Variants in EDEM2 observed in about 807,000 individuals in gnomAD.
EDEM2 encodes the protein ER degradation-enhancing alpha-mannosidase-like protein 2.
A neutral mutation model predicts 64.8 loss-of-function variants in EDEM2; 39 were observed. The observed-to-expected ratio is 0.60, with a 90% CI of 0.47 to 0.79. The LOEUF is 0.79. Ranked by LOEUF, EDEM2 falls within the 30% of genes least tolerant of loss-of-function variation. The pLI is 0.00. For synonymous variants in EDEM2, 296 were observed against 291.5 expected, an observed-to-expected ratio of 1.02 and a Z score of -0.16; for missense variants, 609 against 731.3, an observed-to-expected ratio of 0.83 and a Z score of 1.93.
intron 4 of EDEM2, among the ~76,000 whole-genome samples, chr20:35,141,639 A>T (rs11906318): frequency 6.6e-6 from 1 of 152,138 alleles, no homozygotes; most frequent in Non-Finnish European, 1.5e-5. Context: ...ACAGCTGTTA[A>T]GTGGTCTAGA....
rs560949198 is a variant in EDEM2, at chr20:35,134,552, C to G, written c.702+186G>C. Among the ~76,000 whole-genome samples the G allele has an allele frequency of 2.6e-5, 4 of 152,312 alleles. No homozygotes were observed. The East Asian group carries it at 7.7e-4, about 29-fold the overall frequency. ...GCTGCCTGCCAGAAACGTGCTTTCC[C>G]ACTCTCCTCCCCACTCCAAGCCAAA... is the stretch of plus-strand genomic sequence containing the variant. On this transcript the variant is annotated intron_variant, in intron 6 of 10. Coordinates refer to ENST00000374492, the MANE Select transcript of EDEM2 (RefSeq NM_018217.3).
intron 9 of EDEM2, among the ~76,000 whole-genome samples, chr20:35,120,540 A>T (rs1377946826): frequency 2.0e-5 from 3 of 151,816 alleles, no homozygotes; most frequent in African/African-American, 7.3e-5. Flanking sequence ...AAAGGCAGAA[A>T]AGACAGTGCC....
At chr20:35,118,845 A>G in intron 9 of EDEM2, 126 bp from the exon 10 acceptor site, 1 of 1,349,554 alleles carries the variant, frequency 7.4e-7, no homozygotes, top group Non-Finnish European at 1.0e-6. Context: ...GCAGGAACAC[A>G]GGATACCTCA....
In EDEM2 at chr20:35,118,500, T is replaced by C. The variant is rs1034132237; in HGVS notation, c.1236+98A>G. The C allele has an allele frequency of 3.2e-6, 5 of 1,569,692 alleles. No homozygotes were observed. In the African/African-American group the frequency reaches 5.4e-5, roughly 17 times the overall value. On this transcript the variant is annotated intron_variant, in intron 10 of 10. Coordinates refer to ENST00000374492, the MANE Select transcript of EDEM2 (RefSeq NM_018217.3). ...TGTATATCTCCAAGGTCCCTTCTAG[T>C]GCTGATATGTCAGAACTCCCAAAGC...
chr20:35,131,648 A>C lies in EDEM2; in HGVS notation c.838T>G (p.Phe280Val). The C allele has an allele frequency of 6.2e-7, 1 of 1,613,886 alleles. No individual in the cohort carries two copies. The highest frequency in any genetic ancestry group is 8.5e-7 in the Non-Finnish European group (1 of 1,179,782). The part of the protein sequence containing the change: ...LLQDKKLMAM[F>V]LEYNKAIRNY... ...CTTACTCTGCCATTTTTACCTAGGAACATGGCCATGAGCTTCTTATCCTGA... is the reference window on the plus strand; with the variant it reads ...CTTACTCTGCCATTTTTACCTAGGACCATGGCCATGAGCTTCTTATCCTGA... The change falls in exon 7 of 11, where the codon TTC becomes GTC. Residue 280 changes from phenylalanine to valine, a missense_variant. By Grantham distance (50) the Phe-to-Val change is conservative (BLOSUM62 -1). Transcript: ENST00000374492.
In EDEM2 at chr20:35,132,780, C is replaced by G. The variant is rs139191509; in HGVS notation, c.703-997G>C. Among the ~76,000 whole-genome samples, 367 of 152,266 alleles carry G rather than the reference C, an allele frequency of 2.4e-3. 2 individuals are homozygous for G. The highest frequency in any genetic ancestry group is 8.5e-3 in the African/African-American group (352 of 41,548). ...CTCGAACTCCCGACCTCAGGTGATA[C>G]GCCTGCCTTGGCCTCCCAAAGTGCT... On this transcript the variant is annotated intron_variant, in intron 6 of 10. Coordinates refer to ENST00000374492, the MANE Select transcript of EDEM2 (RefSeq NM_018217.3).
intron 10 of EDEM2, among the ~76,000 whole-genome samples, 154 bp from the exon 11 acceptor site, chr20:35,116,087 A>AC: frequency 6.6e-6 from 1 of 152,192 alleles, no homozygotes; most frequent in Non-Finnish European, 1.5e-5. Flanking sequence ...TTCCCAAGCC[A>AC]CCATCATCTC....
intron 2 of EDEM2, among the ~76,000 whole-genome samples, chr20:35,145,235 A>G (rs1306583309): frequency 6.6e-6 from 1 of 152,212 alleles, no homozygotes; most frequent in East Asian, 1.9e-4. Context: ...CTCAATTGTA[A>G]TTAAATACAT....
At chr20:35,119,636 CA>C in intron 9 of EDEM2, among the ~76,000 whole-genome samples, 1 of 151,916 alleles carries the variant, frequency 6.6e-6, no homozygotes, top group Non-Finnish European at 1.5e-5. Context: ...AATAAACCAC[CA>C]AACCGTCAAT....
chr20:35,126,945 T>G (rs2085441388), intron 7 of EDEM2, among the ~76,000 whole-genome samples: 1 of 152,086 alleles, frequency 6.6e-6, no homozygotes, highest in South Asian at 2.1e-4. Flanking sequence ...ATTGATGTGG[T>G]TTGGCTGTGT....
intron 4 of EDEM2, among the ~76,000 whole-genome samples, chr20:35,141,015 G>T (rs938332471): frequency 1.3e-5 from 2 of 150,992 alleles, no homozygotes; most frequent in African/African-American, 4.9e-5. Context: ...AGCTACATAG[G>T]AGGCTGAGAC....
rs138438553 is a variant in EDEM2 at position 35,124,027 on chromosome 20, A to G, written c.977T>C (p.Ile326Thr). The G allele has an allele frequency of 5.1e-5, 82 of 1,612,946 alleles. No homozygotes were observed. The highest frequency in any genetic ancestry group is 1.5e-4 in the Admixed American group (9 of 59,990). ...CCTCATGGCATTGTCAATGTCTCCA[A>G]TGAGGCTCTGTGGGAGAAAGTGGCT... ...EAYWPGLQSL[I>T]GDIDNAMRTF... The change falls in exon 9 of 11, where the codon ATT becomes ACT. Residue 326 changes from isoleucine (I) to threonine (T), a missense_variant. Transcript: ENST00000374492.
chr20:35,142,510 C>A (rs980703414), intron 3 of EDEM2, 32 bp from the exon 4 acceptor site: 1 of 1,536,522 alleles, frequency 6.5e-7, no homozygotes, highest in Non-Finnish European at 9.0e-7. Context: ...GACAATGAGG[C>A]TCTTACATGC....
At position 35,129,401 on chromosome 20, in the gene EDEM2, T is replaced by C. The variant is rs546142512; in HGVS notation, c.844+2241A>G. ...CAGCCTGGGCAACAGAGTGAGACTC[T>C]GTCTTTAAAGAAAAAAAAAATCAGC... On this transcript the variant is annotated intron_variant, in intron 7 of 10. Transcript: ENST00000374492. Among the ~76,000 whole-genome samples, 191 of 150,792 alleles carry C rather than the reference T, an allele frequency of 1.3e-3. 2 individuals are homozygous for C. The Middle Eastern group carries it at 0.014, about 11-fold the overall frequency.
chr20:35,132,284 G>T lies in EDEM2; in HGVS notation c.703-501C>A, dbSNP rs747923251. Among the ~76,000 whole-genome samples the T allele has an allele frequency of 4.0e-5, 6 of 151,848 alleles. No individual in the cohort carries two copies. The South Asian group carries it at 8.3e-4, about 21-fold the overall frequency. On this transcript the variant is annotated intron_variant, in intron 6 of 10. Coordinates refer to ENST00000374492, the MANE Select transcript of EDEM2 (RefSeq NM_018217.3). ...AGGGGCAAAAGGGGACTTCACCAAT[G>T]TCACTGAGTACCCTTTTTTGTATCC...
rs1172534831 is a variant in EDEM2, at chr20:35,147,244, C to A, written c.15G>T (p.Leu5=). The change falls in exon 1 of 11, where the codon CTG becomes CTT. Residue 5 remains leucine (L), a synonymous_variant. Transcript: ENST00000374492. The stretch of plus-strand genomic sequence containing the variant: ...CGCACAGGAGGCCGAGCGGGATGAG[C>A]AGCCGGAAAGGCATAGAGCTCGTGT... The part of the protein sequence containing the change: MPFR[L]LIPLGLLCAL... 3 of 1,591,222 alleles carry A rather than the reference C, an allele frequency of 1.9e-6. No homozygotes were observed. Among genetic ancestry groups the A allele is most frequent in the South Asian group, 2.3e-5 (2 of 88,518 alleles).
intron 4 of EDEM2, among the ~76,000 whole-genome samples, 158 bp downstream of exon 4, chr20:35,142,215 C>A (rs748962209): frequency 1.3e-5 from 2 of 152,200 alleles, no homozygotes; most frequent in Non-Finnish European, 2.9e-5. Context: ...GACTTCCCCA[C>A]CTCACCCTCC....
chr20:35,142,005 T>G (rs2085661379), intron 4 of EDEM2, among the ~76,000 whole-genome samples: 1 of 152,234 alleles, frequency 6.6e-6, no homozygotes, highest in African/African-American at 2.4e-5. Flanking sequence ...AAAACACAGC[T>G]ATAAGACATT....
Position 35,131,768 on chromosome 20 carries a change from C to T in EDEM2, c.718G>A (p.Asp240Asn). Residue 240 changes from aspartate (D) to asparagine (N), a missense_variant, in exon 7 of 11, where the codon GAT becomes AAT. By Grantham distance (23) the Asp-to-Asn change is conservative. Coordinates refer to ENST00000374492, the MANE Select transcript of EDEM2 (RefSeq NM_018217.3). ...SDIGLVGNHI[D>N]VLTGKWVAQD... is the part of the protein sequence containing the mutation. ...GCCACCCACTTGCCAGTGAGCACAT[C>T]AATGTGGTTGCCGACCTGAGAGAGA... 1 of 1,613,948 alleles carries T rather than the reference C, an allele frequency of 6.2e-7. No individual in the cohort carries two copies. Among genetic ancestry groups the T allele is most frequent in the Non-Finnish European group, 8.5e-7 (1 of 1,179,916 alleles).
Sources: gnomAD v4.1 joint callset for allele counts (sites outside exome capture counted in the v4.1 genomes callset) on GRCh38, gnomAD v4.1.1 for gene constraint, MANE v1.5 for transcripts, NCBI Gene and HGNC (gene_info 2026-07-23, HGNC 2026-07-21) for gene names.